LRFN5: variants seen among roughly 807,000 people sequenced by gnomAD.
The protein encoded by LRFN5 is leucine rich repeat and fibronectin type III domain containing 5.
A neutral mutation model predicts 45.6 loss-of-function variants in LRFN5; 24 were observed. The observed-to-expected ratio is 0.53, with a 90% CI of 0.38 to 0.74. LRFN5 has a LOEUF of 0.74. LRFN5 is among the 30% of genes least tolerant of loss of function. LRFN5 has a pLI of 0.00. For synonymous variants in LRFN5, 340 were observed against 313.8 expected (o/e 1.08, Z -0.88); for missense variants, 776 against 861.5 (o/e 0.90, Z 1.24).
intron 2 of LRFN5, among the ~76,000 whole-genome samples, chr14:41,871,002 T>C (rs1890001292): frequency 6.6e-6 from 1 of 152,136 alleles, no homozygotes; most frequent in Non-Finnish European, 1.5e-5. Flanking sequence ...AGGTTGCATA[T>C]GTCAGTTTTT....
chr14:41,674,738 C>T (rs779608964), intron 1 of LRFN5, among the ~76,000 whole-genome samples: 106 of 151,850 alleles, frequency 7.0e-4, no homozygotes, highest in African/African-American at 2.2e-3. Flanking sequence ...GGGTGGCTGC[C>T]GGGCGGAGAC....
chr14:41,837,208 A>G (rs916719977), intron 2 of LRFN5, among the ~76,000 whole-genome samples: 1,657 of 151,710 alleles, frequency 0.011, 52 homozygotes, highest in African/African-American at 0.038. Flanking sequence ...AAAAAAAAAA[A>G]AAAAAAAAAA....
chr14:41,682,027 G>A (rs143264517), intron 1 of LRFN5, among the ~76,000 whole-genome samples: 13 of 151,324 alleles, frequency 8.6e-5, no homozygotes, highest in African/African-American at 1.7e-4. Context: ...CATATTGTCC[G>A]GGCTGGTCTA....
At chr14:41,833,497 G>A (rs931919325) in intron 2 of LRFN5, among the ~76,000 whole-genome samples, 2 of 152,104 alleles carry the variant, frequency 1.3e-5, no homozygotes, top group African/African-American at 2.4e-5. Context: ...TTCACACCTC[G>A]GTTTATCTCT....
chr14:41,882,921 T>C (rs770097233), intron 2 of LRFN5, among the ~76,000 whole-genome samples: 1 of 149,208 alleles, frequency 6.7e-6, no homozygotes, highest in Non-Finnish European at 1.5e-5. Flanking sequence ...CGATCTCTGC[T>C]TACTGCAATC....
intron 2 of LRFN5, among the ~76,000 whole-genome samples, chr14:41,820,020 C>G (rs1188683090): frequency 6.6e-6 from 1 of 150,550 alleles, no homozygotes; most frequent in Admixed American, 6.6e-5. Flanking sequence ...GGAAATTAGT[C>G]CTTTGTTGAA....
chr14:41,706,930 C>A (rs1594633245), intron 1 of LRFN5, among the ~76,000 whole-genome samples: 1 of 152,242 alleles, frequency 6.6e-6, no homozygotes, highest in Non-Finnish European at 1.5e-5. Flanking sequence ...TGCTTAGCAT[C>A]TTTTACCTGA....
At chr14:41,730,667 A>G (rs748204924) in intron 1 of LRFN5, among the ~76,000 whole-genome samples, 6 of 151,880 alleles carry the variant, frequency 4.0e-5, no homozygotes, top group Non-Finnish European at 8.8e-5. Flanking sequence ...AGTCATCTCT[A>G]TTTTACGTAA....
At chr14:41,686,501 A>G (rs1414774439) in intron 1 of LRFN5, among the ~76,000 whole-genome samples, 2 of 152,040 alleles carry the variant, frequency 1.3e-5, no homozygotes, top group Non-Finnish European at 2.9e-5. Flanking sequence ...TTCTAATACT[A>G]TGTTGAATAG....
At chr14:41,871,964 T>C (rs1012864428) in intron 2 of LRFN5, among the ~76,000 whole-genome samples, 5 of 152,164 alleles carry the variant, frequency 3.3e-5, no homozygotes, top group African/African-American at 1.2e-4. Flanking sequence ...TACATTCTTA[T>C]AGTTAGGGAA....
At chr14:41,823,118 T>C (rs927198069) in intron 2 of LRFN5, among the ~76,000 whole-genome samples, 2 of 152,078 alleles carry the variant, frequency 1.3e-5, no homozygotes, top group African/African-American at 4.8e-5. Flanking sequence ...GTGTAGGATT[T>C]AGCCCATTTG....
chr14:41,693,104 T>C lies in LRFN5; in HGVS notation c.-196-73750T>C, dbSNP rs999366754. 3.9e-5 allele frequency among the ~76,000 whole-genome samples: 6 copies of C among 152,166 alleles called. No individual in the cohort carries two copies. In the South Asian group the frequency reaches 1.2e-3, roughly 31 times the overall value. ...ATTTCACTGATGAATTTTTATATTCTTATTCAAACACTATACAATCTTGAT... is the reference window on the plus strand; with the variant it reads ...ATTTCACTGATGAATTTTTATATTCCTATTCAAACACTATACAATCTTGAT... On this transcript the variant is annotated intron_variant, in intron 1 of 5. Transcript: ENST00000298119.
At chr14:41,810,840 C>A (rs1404684620) in intron 2 of LRFN5, among the ~76,000 whole-genome samples, 1 of 152,052 alleles carries the variant, frequency 6.6e-6, no homozygotes, top group African/African-American at 2.4e-5. Context: ...GTTGAAAACA[C>A]TCTTTCTAGT....
intron 2 of LRFN5, among the ~76,000 whole-genome samples, chr14:41,814,111 T>G (rs933105515): frequency 1.3e-5 from 2 of 152,196 alleles, no homozygotes; most frequent in Admixed American, 6.5e-5. Context: ...TTCTGTAGAT[T>G]GCCTGTTCAC....
intron 1 of LRFN5, among the ~76,000 whole-genome samples, chr14:41,669,723 A>G (rs576815958): frequency 4.6e-5 from 7 of 152,132 alleles, no homozygotes; most frequent in Non-Finnish European, 8.8e-5. Flanking sequence ...TTGCAGTTCT[A>G]TCGTTGCATA....
chr14:41,739,903 A>G (rs1884615951), intron 1 of LRFN5, among the ~76,000 whole-genome samples: 1 of 152,028 alleles, frequency 6.6e-6, no homozygotes, highest in South Asian at 2.1e-4. Flanking sequence ...CAAGGGACCT[A>G]AAGACTATCA....
chr14:41,719,429 T>C (rs535654552), intron 1 of LRFN5, among the ~76,000 whole-genome samples: 93 of 152,206 alleles, frequency 6.1e-4, no homozygotes, highest in African/African-American at 2.1e-3. Context: ...ATATATGTTA[T>C]ACATATGTAT....
intron 2 of LRFN5, among the ~76,000 whole-genome samples, chr14:41,832,877 T>C (rs1010317126): frequency 2.0e-5 from 3 of 152,212 alleles, no homozygotes; most frequent in Admixed American, 6.5e-5. Context: ...TACATTCTTT[T>C]CTTTTATGTA....
intron 2 of LRFN5, among the ~76,000 whole-genome samples, chr14:41,802,618 A>C (rs1360662128): frequency 6.6e-6 from 1 of 152,146 alleles, no homozygotes; most frequent in Non-Finnish European, 1.5e-5. Context: ...GCTAGGATAA[A>C]ATTTTCTTAG....
Sources: gnomAD v4.1 joint callset for allele counts (sites outside exome capture counted in the v4.1 genomes callset) on GRCh38, gnomAD v4.1.1 for gene constraint, MANE v1.5 for transcripts, NCBI Gene and HGNC (gene_info 2026-07-23, HGNC 2026-07-21) for gene names.